The following TRRAP variants were observed in gnomAD, a reference collection of about 807,000 sequenced individuals.
The protein encoded by TRRAP is transformation/transcription domain associated protein.
A neutral mutation model predicts 438.8 loss-of-function variants in TRRAP; 41 were observed. The ratio of observed to expected loss-of-function variants is 0.09; its 90% CI spans 0.07 to 0.12. TRRAP has a LOEUF of 0.12. Ranked by LOEUF, TRRAP falls within the 10% of genes least tolerant of loss-of-function variation. TRRAP has a pLI of 1.00. For synonymous variants in TRRAP, 1,994 were observed against 1,962.9 expected, an observed-to-expected ratio of 1.02 and a Z score of -0.42; for missense variants, 3,122 against 5,055.1, an observed-to-expected ratio of 0.62 and a Z score of 11.60.
intron 6 of TRRAP, 38 bp from the exon 7 acceptor site, chr7:98,895,726 G>T (rs1796167768): frequency 2.0e-6 from 3 of 1,534,360 alleles, no homozygotes; most frequent in Admixed American, 1.9e-5. Context: ...TTCTGTTTAT[G>T]AATATCTTCC....
rs1797024168 is a variant in TRRAP, at chr7:98,910,380, A to G, written c.1675A>G (p.Thr559Ala). ...LVKTLVCGVK[T>A]ITWGITSCKA... is the part of the protein sequence containing the mutation. ...CAAAACCTTGGTGTGTGGTGTCAAG[A>G]CAATCACGTGGGGCATAACATCATG... The change falls in exon 15 of 73, where the codon ACA becomes GCA. Residue 559 changes from threonine to alanine, a missense_variant. Thr to Ala is a moderately conservative substitution (Grantham distance 58). This residue lies in a region of TRRAP where 149 missense variants were observed against 302.8 expected (regional missense o/e 0.49). Transcript: ENST00000456197. The G allele has an allele frequency of 6.2e-7, 1 of 1,609,182 alleles. No individual in the cohort carries two copies. Among genetic ancestry groups the G allele is most frequent in the Admixed American group, 1.7e-5 (1 of 59,896 alleles).
chr7:98,891,605 G>A (rs1372666279), intron 4 of TRRAP, among the ~76,000 whole-genome samples: 2 of 140,914 alleles, frequency 1.4e-5, no homozygotes, highest in Admixed American at 7.4e-5. Context: ...GCGCAGTCTC[G>A]GCTCACTGCG....
At position 98,949,488 on chromosome 7, in the gene TRRAP, C is replaced by T. The variant is rs1054893808; in HGVS notation, c.4860C>T (p.Thr1620=). The part of the protein sequence containing the change: ...VLAANPNRFI[T]LLLPGGAQTA... ...CTGCCAACCCCAACAGGTTCATCAC[C>T]CTGCTGCTGCCGGGGGGTGCCCAGA... Residue 1620 remains threonine (T), a synonymous_variant, in exon 36 of 73, where the codon ACC becomes ACT. Coordinates refer to ENST00000456197, the MANE Select transcript of TRRAP (RefSeq NM_001375524.1). 7 of 1,611,138 alleles carry T rather than the reference C, an allele frequency of 4.3e-6. No homozygotes were observed. Among genetic ancestry groups the T allele is most frequent in the Admixed American group, 3.4e-5 (2 of 59,262 alleles).
intron 28 of TRRAP, 148 bp downstream of exon 28, chr7:98,935,823 A>G: frequency 1.8e-6 from 1 of 548,268 alleles, no homozygotes; most frequent in Non-Finnish European, 3.1e-6. Context: ...TTATTTTTGT[A>G]TGTTTATCAA....
chr7:98,962,272 C>T, intron 46 of TRRAP, 30 bp from the exon 47 acceptor site: 1 of 1,613,860 alleles, frequency 6.2e-7, no homozygotes, highest in Non-Finnish European at 8.5e-7. Context: ...GAGCCATAAC[C>T]ACAGTGCCTG....
chr7:98,937,114 T>G, intron 28 of TRRAP, 42 bp from the exon 29 acceptor site: 1 of 1,559,340 alleles, frequency 6.4e-7, no homozygotes, highest in South Asian at 1.2e-5. Flanking sequence ...TTGGGCATCT[T>G]TCCAGTTAAT....
At chr7:99,002,256 C>T (rs532278325) in intron 67 of TRRAP, among the ~76,000 whole-genome samples, 1 of 152,152 alleles carries the variant, frequency 6.6e-6, no homozygotes, top group South Asian at 2.1e-4. Context: ...CAGAGGTGTG[C>T]GCATGCATAC....
chr7:98,911,774 CAAAAAA>C (rs113146131), intron 17 of TRRAP, among the ~76,000 whole-genome samples: 2 of 91,380 alleles, frequency 2.2e-5, no homozygotes, highest in African/African-American at 6.3e-5. Context: ...CTCAAAATCT[CAAAAAA>C]AAAAAAAAAT....
At chr7:98,895,125 C>CA (rs1218803505) in intron 6 of TRRAP, among the ~76,000 whole-genome samples, 3 of 152,132 alleles carry the variant, frequency 2.0e-5, no homozygotes, top group Non-Finnish European at 4.4e-5. Context: ...AGGCTGGTCT[C>CA]AAACTCCTGG....
rs1200906601 is a variant in TRRAP at position 99,012,707 on chromosome 7, G to C, written c.*352G>C. ...ATGTACAGGCGGAACTGTACGAACAGCTCCCTTCCATCCATTTTTAACTCT... is the reference window on the plus strand; with the variant it reads ...ATGTACAGGCGGAACTGTACGAACACCTCCCTTCCATCCATTTTTAACTCT... On this transcript the variant is annotated 3_prime_UTR_variant, in exon 73 of 73. Transcript: ENST00000456197. This position sits in a 1 kb window ranked among gnomAD's most constrained non-coding sequence, Gnocchi z 5.9. 4 of 259,162 alleles carry C rather than the reference G, an allele frequency of 1.5e-5. No individual in the cohort carries two copies. In the East Asian group the frequency reaches 2.6e-4, roughly 17 times the overall value. The allele number at this position is 259,162 out of a possible 1,614,324, so 16.1% of individuals were successfully genotyped here. A position where few individuals can be genotyped will look rare whatever the true frequency, so the allele number is the denominator to read the frequency against.
At chr7:98,900,234 ACT>A (rs1796414148) in intron 10 of TRRAP, among the ~76,000 whole-genome samples, 2 of 151,160 alleles carry the variant, frequency 1.3e-5, no homozygotes, top group Admixed American at 1.3e-4. Context: ...CACCCTCCTG[ACT>A]TGGAGCCCGT....
intron 32 of TRRAP, 56 bp from the exon 33 acceptor site, chr7:98,945,874 T>C (rs987404245): frequency 6.4e-7 from 1 of 1,568,620 alleles, no homozygotes; most frequent in Admixed American, 1.9e-5. Context: ...TTTCTTTTCT[T>C]TTCTTTTTAC....
chr7:98,898,768 CT>C (rs1386759385), intron 8 of TRRAP, among the ~76,000 whole-genome samples: 1 of 152,144 alleles, frequency 6.6e-6, no homozygotes, highest in Non-Finnish European at 1.5e-5. Context: ...GTAAATTGTA[CT>C]TTGTGCTGTT....
chr7:98,976,421 A>G lies in TRRAP; in HGVS notation c.7960-62A>G. ...TTAGGAAAGGTATTCTTGCATCGAG[A>G]GAGACAGCAAGACTTGCCGATTTTT... On this transcript the variant is annotated intron_variant, in intron 54 of 72. Coordinates refer to ENST00000456197, the MANE Select transcript of TRRAP (RefSeq NM_001375524.1). The surrounding 1 kb of genome is among the most constrained non-coding windows in gnomAD (Gnocchi z 4.6). The G allele has an allele frequency of 6.3e-7, 1 of 1,579,836 alleles. No homozygotes were observed. The highest frequency in any genetic ancestry group is 1.3e-5 in the African/African-American group (1 of 74,508).
chr7:98,970,644 T>G (rs1792373739), intron 52 of TRRAP, among the ~76,000 whole-genome samples: 1 of 152,040 alleles, frequency 6.6e-6, no homozygotes, highest in South Asian at 2.1e-4. Context: ...GCACTCCCAT[T>G]CGGTTTTGAG....
intron 53 of TRRAP, among the ~76,000 whole-genome samples, chr7:98,973,507 A>G (rs1420216457): frequency 6.6e-6 from 1 of 152,156 alleles, no homozygotes; most frequent in Non-Finnish European, 1.5e-5. Flanking sequence ...GTCTTGGCTC[A>G]GTTGGTCACA....
At chr7:98,993,469 C>T (rs1471211953) in intron 65 of TRRAP, 69 bp from the exon 66 acceptor site, 3 of 1,537,862 alleles carry the variant, frequency 2.0e-6, no homozygotes, top group Non-Finnish European at 2.6e-6. Context: ...CCCATGGGTC[C>T]TGCAGCGCTC....
intron 3 of TRRAP, among the ~76,000 whole-genome samples, chr7:98,886,110 C>T (rs933241783): frequency 6.6e-6 from 1 of 152,150 alleles, no homozygotes; most frequent in African/African-American, 2.4e-5. Flanking sequence ...CATGGTGAAA[C>T]TCTGTCTCTA....
chr7:98,950,215 T>C lies in TRRAP; in HGVS notation c.5287T>C (p.Phe1763Leu). Residue 1763 changes from phenylalanine to leucine, a missense_variant, in exon 38 of 73, where the codon TTT becomes CTT. By Grantham distance (22) the Phe-to-Leu change is conservative. Transcript: ENST00000456197. ...IAQKRALFFRFVDFNDPNFGD... is the reference protein window; with the variant it reads ...IAQKRALFFRLVDFNDPNFGD... The stretch of plus-strand genomic sequence containing the variant: ...TCAGAAACGTGCCCTGTTCTTTCGC[T>C]TTGTAGACTTCAACGACCCCAACTT... 1 of 1,614,214 alleles carries C rather than the reference T, an allele frequency of 6.2e-7. No individual in the cohort carries two copies. Among genetic ancestry groups the C allele is most frequent in the Non-Finnish European group, 8.5e-7 (1 of 1,180,032 alleles).
Sources: gnomAD v4.1 joint callset for allele counts (sites outside exome capture counted in the v4.1 genomes callset) on GRCh38, gnomAD v4.1.1 for gene constraint, gnomAD v4.1.1 regional missense constraint, Gnocchi (gnomAD v3.1) non-coding constraint, MANE v1.5 for transcripts, NCBI Gene and HGNC (gene_info 2026-07-23, HGNC 2026-07-21) for gene names.